SLC12A2: variants seen among roughly 807,000 people sequenced by gnomAD.
The protein encoded by SLC12A2 is Na-K-2Cl cotransporter 1.
SLC12A2 carries 67 observed loss-of-function variants against 136.3 expected under a neutral mutation model. That is an observed-to-expected ratio of 0.49 (90% CI 0.40 to 0.60). The LOEUF (loss-of-function observed/expected upper bound fraction) is 0.60. Among genes scored for constraint, SLC12A2 ranks in the 20% least tolerant of loss-of-function variants. The pLI, the probability that SLC12A2 is intolerant of heterozygous loss-of-function variation, is 0.00. For synonymous variants in SLC12A2, 619 were observed against 562.9 expected (o/e 1.10, Z -1.41); for missense variants, 1,322 against 1,534.7 (o/e 0.86, Z 2.32).
chr5:128,098,571 A>T (rs1320901571), intron 1 of SLC12A2, among the ~76,000 whole-genome samples: 2 of 151,622 alleles, frequency 1.3e-5, no homozygotes, highest in African/African-American at 2.4e-5. Context: ...GAAACTGGCC[A>T]TGCAGACACT....
At chr5:128,091,240 C>G (rs1032844738) in intron 1 of SLC12A2, among the ~76,000 whole-genome samples, 9 of 151,942 alleles carry the variant, frequency 5.9e-5, no homozygotes, top group East Asian at 1.9e-4. Context: ...GGGTTTTCCC[C>G]CTATTTAGAA....
At chr5:128,164,379 A>G (rs531122842) in intron 17 of SLC12A2, among the ~76,000 whole-genome samples, 3 of 152,136 alleles carry the variant, frequency 2.0e-5, no homozygotes, top group African/African-American at 4.8e-5. Flanking sequence ...GACCATGACA[A>G]CTCTATCAGT....
intron 1 of SLC12A2, among the ~76,000 whole-genome samples, chr5:128,105,792 A>T (rs1561659695): frequency 6.6e-6 from 1 of 152,172 alleles, no homozygotes; most frequent in African/African-American, 2.4e-5. Context: ...TATTTTCTAC[A>T]TACTCAGAAA....
chr5:128,119,044 A>G (rs1392812590), intron 4 of SLC12A2, among the ~76,000 whole-genome samples: 2 of 152,182 alleles, frequency 1.3e-5, no homozygotes, highest in Non-Finnish European at 2.9e-5. Flanking sequence ...CATTTTAGCT[A>G]TAAACTATAA....
At chr5:128,153,407 T>C (rs972912707) in intron 15 of SLC12A2, among the ~76,000 whole-genome samples, 10 of 152,098 alleles carry the variant, frequency 6.6e-5, no homozygotes, top group African/African-American at 2.2e-4. Flanking sequence ...ATACAAAAAT[T>C]AGCCAGGCGT....
At chr5:128,172,740 G>T (rs969299104) in intron 19 of SLC12A2, among the ~76,000 whole-genome samples, 12 of 152,096 alleles carry the variant, frequency 7.9e-5, no homozygotes, top group Non-Finnish European at 2.9e-5. Flanking sequence ...GTGGGTGGAT[G>T]ACCAGAGGTC....
intron 4 of SLC12A2, among the ~76,000 whole-genome samples, chr5:128,126,941 C>CATATAT (rs1243756791): frequency 1.5e-4 from 6 of 41,004 alleles, no homozygotes; most frequent in East Asian, 1.0e-3. Flanking sequence ...TCACAACCTA[C>CATATAT]ATATATATAT....
intron 15 of SLC12A2, among the ~76,000 whole-genome samples, chr5:128,155,338 T>C (rs1186738882): frequency 2.6e-5 from 4 of 152,210 alleles, no homozygotes; most frequent in Non-Finnish European, 5.9e-5. Flanking sequence ...CATTATCAAC[T>C]GATGTCTTTC....
chr5:128,174,371 T>C (rs1264450508), intron 19 of SLC12A2, among the ~76,000 whole-genome samples, 170 bp from the exon 20 acceptor site: 1 of 152,166 alleles, frequency 6.6e-6, no homozygotes, highest in Non-Finnish European at 1.5e-5. Flanking sequence ...AGTTGTGGTT[T>C]ATGTATTTAA....
chr5:128,182,350 G>T (rs944331225), intron 23 of SLC12A2, among the ~76,000 whole-genome samples: 21 of 152,152 alleles, frequency 1.4e-4, no homozygotes, highest in African/African-American at 4.6e-4. Flanking sequence ...GCTTGTTGAT[G>T]ATCCTTTTCT....
intron 1 of SLC12A2, among the ~76,000 whole-genome samples, chr5:128,098,184 G>A (rs559952724): frequency 4.6e-5 from 7 of 152,126 alleles, no homozygotes; most frequent in East Asian, 3.9e-4. Context: ...GAATCTGTAC[G>A]TTGATGTTTT....
At chr5:128,127,857 G>A (rs1406963421) in intron 4 of SLC12A2, among the ~76,000 whole-genome samples, 2 of 151,294 alleles carry the variant, frequency 1.3e-5, no homozygotes, top group Non-Finnish European at 2.9e-5. Flanking sequence ...TAATATTTAA[G>A]AATAACTTTT....
intron 17 of SLC12A2, among the ~76,000 whole-genome samples, chr5:128,163,451 C>T (rs185124498): frequency 1.3e-3 from 204 of 152,220 alleles, no homozygotes; most frequent in African/African-American, 4.6e-3. Flanking sequence ...ATCACTTGAA[C>T]CCCTGAGGCA....
chr5:128,114,332 ACTGTGT>A (rs1425036030), intron 3 of SLC12A2, 45 bp downstream of exon 3: 1 of 1,431,798 alleles, frequency 7.0e-7, no homozygotes, highest in South Asian at 1.2e-5. Flanking sequence ...AAGCAAAATA[ACTGTGT>A]CTGAGCTCTT....
rs1297492487 is a variant in SLC12A2 at position 128,189,475 on chromosome 5, A to G, written c.*2844A>G. ...TTTTATATGCATTCTGACATTACAT[A>G]TTTTTTAAGACTATGGAAATAATTT... On this transcript the variant is annotated 3_prime_UTR_variant, in exon 27 of 27. Coordinates refer to ENST00000262461, the MANE Select transcript of SLC12A2 (RefSeq NM_001046.3). 6.6e-6 allele frequency: 1 copy of G among 152,502 alleles called. No homozygotes were observed. The highest frequency in any genetic ancestry group is 6.5e-5 in the Admixed American group (1 of 15,286). The allele number at this position is 152,502 out of a possible 1,614,324, so 9.4% of individuals were successfully genotyped here. A position where few individuals can be genotyped will look rare whatever the true frequency, so the allele number is the denominator to read the frequency against.
intron 12 of SLC12A2, among the ~76,000 whole-genome samples, chr5:128,149,530 G>A (rs1004190261): frequency 6.6e-6 from 1 of 151,308 alleles, no homozygotes; most frequent in African/African-American, 2.4e-5. Context: ...AGTGAAAAAC[G>A]AAAGCCACCT....
intron 16 of SLC12A2, among the ~76,000 whole-genome samples, chr5:128,158,386 G>T (rs1299901101): frequency 2.0e-5 from 3 of 151,832 alleles, no homozygotes; most frequent in Non-Finnish European, 4.4e-5. Flanking sequence ...CAGTGTCTGT[G>T]GTTCCCTTCT....
In SLC12A2 at chr5:128,186,579, C is replaced by A; in HGVS notation, c.3587C>A (p.Pro1196Gln). Residue 1196 changes from proline to glutamine, a missense_variant, in exon 27 of 27, where the codon CCA (proline) becomes CAA (glutamine). Coordinates refer to ENST00000262461, the MANE Select transcript of SLC12A2 (RefSeq NM_001046.3). The stretch of plus-strand genomic sequence containing the variant: ...GAAGCTCTATCTAAGGACCTACCAC[C>A]AATCCTCCTAGTTCGTGGGAATCAT... ...WLEALSKDLP[P>Q]ILLVRGNHQS... The A allele has an allele frequency of 6.2e-7, 1 of 1,613,862 alleles. No homozygotes were observed. Among genetic ancestry groups the A allele is most frequent in the Non-Finnish European group, 8.5e-7 (1 of 1,179,904 alleles).
chr5:128,171,865 T>C (rs1581134340), intron 19 of SLC12A2, 119 bp downstream of exon 19: 4 of 610,770 alleles, frequency 6.5e-6, no homozygotes, highest in East Asian at 3.0e-5. Context: ...CGTGGACTTA[T>C]TGTATGGCAT....
Sources: allele counts gnomAD v4.1 joint callset (sites outside exome capture counted in the v4.1 genomes callset), GRCh38; gene constraint gnomAD v4.1.1; transcripts MANE v1.5; gene names NCBI Gene and HGNC (gene_info 2026-07-23, HGNC 2026-07-21).